Variants in CACNG3 observed in about 807,000 individuals in gnomAD.
CACNG3 encodes the protein calcium voltage-gated channel auxiliary subunit gamma 3.
In CACNG3, 3 loss-of-function variants were observed where a neutral mutation model predicts 28.5. The ratio of observed to expected loss-of-function variants is 0.11; its 90% CI spans 0.05 to 0.27. CACNG3 has a LOEUF of 0.27. CACNG3 is among the 10% of genes least tolerant of loss of function. CACNG3 has a pLI of 1.00. For missense variants in CACNG3, 236 were observed against 414.4 expected, an observed-to-expected ratio of 0.57 and a Z score of 3.74; for synonymous variants, 174 against 162.2, an observed-to-expected ratio of 1.07 and a Z score of -0.55.
chr16:24,343,045 T>C (rs1899812776), intron 1 of CACNG3, among the ~76,000 whole-genome samples: 1 of 152,034 alleles, frequency 6.6e-6, no homozygotes, highest in Non-Finnish European at 1.5e-5. Context: ...AAAAATTAGC[T>C]GGGCATAGTG....
At chr16:24,269,225 A>G (rs959704857) in intron 1 of CACNG3, among the ~76,000 whole-genome samples, 2 of 152,208 alleles carry the variant, frequency 1.3e-5, no homozygotes, top group Admixed American at 6.5e-5. Flanking sequence ...CCAGCCTAGA[A>G]CCACAACCTG....
At chr16:24,275,321 A>G (rs1252063407) in intron 1 of CACNG3, among the ~76,000 whole-genome samples, 1 of 152,146 alleles carries the variant, frequency 6.6e-6, no homozygotes, top group Non-Finnish European at 1.5e-5. Flanking sequence ...TACTCATTGT[A>G]TTCATCACCA....
chr16:24,346,242 T>G (rs902722276), intron 1 of CACNG3, among the ~76,000 whole-genome samples: 8 of 152,216 alleles, frequency 5.3e-5, no homozygotes, highest in Non-Finnish European at 1.0e-4. Context: ...GTTTATCTTT[T>G]GCCTCTACTG....
chr16:24,355,609 A>T (rs761528286), intron 3 of CACNG3, among the ~76,000 whole-genome samples: 13 of 152,156 alleles, frequency 8.5e-5, no homozygotes, highest in Non-Finnish European at 1.2e-4. Context: ...AAATGTAAAA[A>T]TATACAGCTG....
chr16:24,358,041 A>T (rs1412461157), intron 3 of CACNG3, among the ~76,000 whole-genome samples: 1 of 152,200 alleles, frequency 6.6e-6, no homozygotes, highest in Non-Finnish European at 1.5e-5. Context: ...GAACCCGAAG[A>T]TCTTGTTTTT....
chr16:24,354,633 T>C (rs1900003793), intron 2 of CACNG3, among the ~76,000 whole-genome samples, 200 bp from the exon 3 acceptor site: 1 of 152,218 alleles, frequency 6.6e-6, no homozygotes, highest in Non-Finnish European at 1.5e-5. Context: ...ACTCTCAGAA[T>C]GGTGACTGCA....
intron 1 of CACNG3, among the ~76,000 whole-genome samples, chr16:24,312,651 TA>T (rs200217804): frequency 4.6e-5 from 7 of 151,876 alleles, no homozygotes; most frequent in Admixed American, 1.3e-4. Flanking sequence ...CTCTGTCTCT[TA>T]AAAATTTTTT....
At chr16:24,331,199 A>G (rs1282040347) in intron 1 of CACNG3, among the ~76,000 whole-genome samples, 1 of 152,158 alleles carries the variant, frequency 6.6e-6, no homozygotes, top group Admixed American at 6.5e-5. Flanking sequence ...AGGACTAACC[A>G]GAATCAAAAC....
chr16:24,336,721 G>A lies in CACNG3; in HGVS notation c.212-10013G>A, dbSNP rs532751386. Reference sequence around the variant, plus strand: ...ATAAGGACACTAATCCCATTCATGAGGGCCCCACCCTCGTGACCTAATTAT... The same window carrying A: ...ATAAGGACACTAATCCCATTCATGAAGGCCCCACCCTCGTGACCTAATTAT... On this transcript the variant is annotated intron_variant, in intron 1 of 3. Transcript: ENST00000005284. Among the ~76,000 whole-genome samples the A allele has an allele frequency of 3.9e-5, 5 of 126,866 alleles. No homozygotes were observed. In the East Asian group the frequency reaches 8.5e-4, roughly 22 times the overall value. The allele number at this position is 126,866 out of a possible 152,430, so 83.2% of individuals were successfully genotyped here. A position where few individuals can be genotyped will look rare whatever the true frequency, so the allele number is the denominator to read the frequency against.
At chr16:24,290,428 A>T (rs1025759587) in intron 1 of CACNG3, among the ~76,000 whole-genome samples, 6 of 152,212 alleles carry the variant, frequency 3.9e-5, no homozygotes, top group African/African-American at 1.4e-4. Flanking sequence ...AGCCTGTTCA[A>T]TTCCATATTT....
chr16:24,268,361 C>A (rs1007662774), intron 1 of CACNG3, among the ~76,000 whole-genome samples: 1 of 152,102 alleles, frequency 6.6e-6, no homozygotes, highest in Admixed American at 6.5e-5. Context: ...GGATATAAAC[C>A]ACAGTCTCAC....
rs201337869 is a variant in CACNG3, at chr16:24,361,503, C to T, written c.588C>T (p.Ala196=). The T allele has an allele frequency of 8.1e-6, 13 of 1,614,024 alleles. No homozygotes were observed. The highest frequency in any genetic ancestry group is 1.1e-5 in the South Asian group (1 of 91,074). Residue 196 remains alanine, a synonymous_variant, in exon 4 of 4, where the codon GCC becomes GCT. Coordinates refer to ENST00000005284, the MANE Select transcript of CACNG3 (RefSeq NM_006539.4). This position sits in a 1 kb window ranked among gnomAD's most constrained non-coding sequence, Gnocchi z 6.8. ...TCGCAGAAATTGTAGGAGTGGTTGC[C>T]GTGCACATCTATATTGAAAAACATC... ...FIIAEIVGVV[A]VHIYIEKHQQ...
intron 1 of CACNG3, among the ~76,000 whole-genome samples, chr16:24,269,525 G>A (rs902179072): frequency 2.6e-5 from 4 of 152,072 alleles, no homozygotes; most frequent in African/African-American, 4.8e-5. Flanking sequence ...GTCAAGGTGG[G>A]TGGATCGCTT....
chr16:24,302,296 C>A (rs1899123339), intron 1 of CACNG3, among the ~76,000 whole-genome samples: 1 of 152,136 alleles, frequency 6.6e-6, no homozygotes, highest in African/African-American at 2.4e-5. Context: ...AAATAAGCCT[C>A]CTTATCACAG....
intron 2 of CACNG3, among the ~76,000 whole-genome samples, chr16:24,347,840 G>A (rs993681885): frequency 1.4e-4 from 22 of 152,146 alleles, no homozygotes; most frequent in Non-Finnish European, 2.4e-4. Flanking sequence ...GAGGCAAGGG[G>A]CTTTACCTCT....
At chr16:24,296,248 C>A (rs981091640) in intron 1 of CACNG3, among the ~76,000 whole-genome samples, 2 of 152,204 alleles carry the variant, frequency 1.3e-5, no homozygotes, top group Non-Finnish European at 2.9e-5. Context: ...ACATGGCCTG[C>A]CCACACCATG....
chr16:24,348,829 G>A lies in CACNG3; in HGVS notation c.295+2012G>A, dbSNP rs531024032. On this transcript the variant is annotated intron_variant, in intron 2 of 3. Transcript: ENST00000005284. ...TTTCATGTTGATAAAACATGTTGAC[G>A]TTTGCTCTGTCGGAGACTAAACAGA... Among the ~76,000 whole-genome samples, 22 of 152,278 alleles carry A rather than the reference G, an allele frequency of 1.4e-4. 1 individual carries two copies. The South Asian group carries it at 2.9e-3, about 20-fold the overall frequency.
intron 1 of CACNG3, among the ~76,000 whole-genome samples, chr16:24,299,927 C>T (rs1044825155): frequency 6.6e-6 from 1 of 150,476 alleles, no homozygotes; most frequent in East Asian, 2.0e-4. Context: ...CATGGATGCA[C>T]ACATGCACAC....
intron 1 of CACNG3, among the ~76,000 whole-genome samples, chr16:24,317,447 C>T (rs757565752): frequency 1.8e-4 from 27 of 150,940 alleles, no homozygotes; most frequent in Non-Finnish European, 3.7e-4. Flanking sequence ...GAGGCTGAGG[C>T]ACGAGAATTG....
Sources: allele counts gnomAD v4.1 joint callset (sites outside exome capture counted in the v4.1 genomes callset), GRCh38; gene constraint gnomAD v4.1.1; non-coding constraint Gnocchi (gnomAD v3.1); transcripts MANE v1.5; gene names NCBI Gene and HGNC (gene_info 2026-07-23, HGNC 2026-07-21).